Variants in NREP observed in about 807,000 individuals in gnomAD.
NREP encodes the protein neuronal regeneration-related protein.
In NREP, 5 loss-of-function variants were observed where a neutral mutation model predicts 8.6. The observed-to-expected ratio is 0.58, with a 90% CI of 0.30 to 1.22. The LOEUF is 1.22. Among genes scored for constraint, NREP ranks in the 50% most tolerant of loss-of-function variants. NREP has a pLI of 0.07. For missense variants in NREP, 86 were observed against 82.5 expected (o/e 1.04, Z -0.17); for synonymous variants, 27 against 28.0 (o/e 0.96, Z 0.11).
At chr5:111,777,580 G>A (rs780878947) in intron 2 of NREP, among the ~76,000 whole-genome samples, 4 of 152,034 alleles carry the variant, frequency 2.6e-5, no homozygotes, top group African/African-American at 4.8e-5. Context: ...CAATGCTTCA[G>A]TGTAGTTGCA....
intron 2 of NREP, among the ~76,000 whole-genome samples, chr5:111,905,701 A>T (rs1488616719): frequency 2.0e-5 from 3 of 152,270 alleles, no homozygotes; most frequent in East Asian, 3.9e-4. Context: ...AAGTGAAACA[A>T]AACACCAAAG....
At chr5:111,830,295 T>C (rs551650037) in intron 2 of NREP, among the ~76,000 whole-genome samples, 5 of 152,300 alleles carry the variant, frequency 3.3e-5, no homozygotes, top group Admixed American at 6.5e-5. Context: ...GTTTAAAAGA[T>C]CTTACAATGA....
intron 2 of NREP, among the ~76,000 whole-genome samples, chr5:111,821,723 C>G (rs911163082): frequency 1.3e-5 from 2 of 152,258 alleles, no homozygotes; most frequent in African/African-American, 4.8e-5. Context: ...CTTTCTTTCT[C>G]CCTTTCTCTC....
At chr5:111,899,136 A>G (rs543804260) in intron 2 of NREP, among the ~76,000 whole-genome samples, 133 of 152,328 alleles carry the variant, frequency 8.7e-4, no homozygotes, top group African/African-American at 3.1e-3. Flanking sequence ...TATCATAAAA[A>G]CACACAAAAG....
chr5:111,742,654 C>A (rs766145261), intron 2 of NREP, among the ~76,000 whole-genome samples: 10 of 152,058 alleles, frequency 6.6e-5, no homozygotes, highest in Non-Finnish European at 1.2e-4. Flanking sequence ...CGACTTAAAA[C>A]CATTCATTAC....
chr5:111,752,920 T>G (rs910880625), intron 2 of NREP, among the ~76,000 whole-genome samples: 6 of 152,180 alleles, frequency 3.9e-5, no homozygotes, highest in Admixed American at 3.9e-4. Context: ...TTCTTCTCAT[T>G]AACTTATCCA....
intron 2 of NREP, among the ~76,000 whole-genome samples, chr5:111,822,171 A>G (rs1490142240): frequency 1.4e-4 from 22 of 152,202 alleles, no homozygotes; most frequent in Admixed American, 1.4e-3. Flanking sequence ...GGAAATATGG[A>G]AATCAAGTCT....
At chr5:111,796,545 T>C (rs1465148343) in intron 2 of NREP, among the ~76,000 whole-genome samples, 1 of 152,210 alleles carries the variant, frequency 6.6e-6, no homozygotes, top group East Asian at 1.9e-4. Context: ...CTTACTCGTG[T>C]AATTCTTATT....
chr5:111,842,637 G>C (rs754429381), intron 2 of NREP, among the ~76,000 whole-genome samples: 1 of 151,974 alleles, frequency 6.6e-6, no homozygotes, highest in Non-Finnish European at 1.5e-5. Flanking sequence ...TACAATATTA[G>C]AGTGTTTTAA....
chr5:111,921,416 G>C (rs1755236318), intron 2 of NREP, among the ~76,000 whole-genome samples: 1 of 152,076 alleles, frequency 6.6e-6, no homozygotes, highest in African/African-American at 2.4e-5. Context: ...TCAGAGGCCT[G>C]ATCAGCTAAT....
At chr5:111,969,994 T>C (rs1756763468) in intron 2 of NREP, among the ~76,000 whole-genome samples, 3 of 152,236 alleles carry the variant, frequency 2.0e-5, no homozygotes, top group Admixed American at 2.0e-4. Flanking sequence ...ACTCATTTGG[T>C]ACAAAATCTA....
At chr5:111,865,659 G>T (rs1311016399) in intron 2 of NREP, among the ~76,000 whole-genome samples, 1 of 152,120 alleles carries the variant, frequency 6.6e-6, no homozygotes, top group East Asian at 1.9e-4. Context: ...TACTGATCTT[G>T]CAAAATCGTA....
chr5:111,873,438 T>C (rs1220402935), intron 2 of NREP, among the ~76,000 whole-genome samples: 2 of 152,188 alleles, frequency 1.3e-5, no homozygotes, highest in Non-Finnish European at 2.9e-5. Flanking sequence ...GGATACTCCA[T>C]TTTCTGCTCA....
At chr5:111,747,256 T>G (rs973697546) in intron 2 of NREP, among the ~76,000 whole-genome samples, 3 of 152,196 alleles carry the variant, frequency 2.0e-5, no homozygotes, top group African/African-American at 7.2e-5. Flanking sequence ...AAGCAGTATC[T>G]TCTCCTAATT....
At chr5:111,961,744 C>T (rs1210466665) in intron 2 of NREP, among the ~76,000 whole-genome samples, 1 of 152,182 alleles carries the variant, frequency 6.6e-6, no homozygotes, top group Non-Finnish European at 1.5e-5. Context: ...CTAATCTCTC[C>T]TGGTTTTATG....
At position 111,756,325 on chromosome 5, in the gene NREP, G is replaced by T. The variant is rs866835332; in HGVS notation, c.-58-495C>A. ...AAAAAAAAAAAAACCCTACACGGCG[G>T]GGGGGGTGGGGGGAGTCAGGAATAT... On this transcript the variant is annotated intron_variant, in intron 1 of 3. Coordinates refer to ENST00000257435, the MANE Select transcript of NREP (RefSeq NM_004772.4). 19 of 721,360 alleles carry T rather than the reference G, an allele frequency of 2.6e-5. 3 individuals carry two copies. The highest frequency in any genetic ancestry group is 1.0e-4 in the African/African-American group (5 of 48,804). 44.7% of individuals were successfully genotyped at this position (721,360 alleles called of 1,614,324 possible).
chr5:111,976,627 G>A (rs372389439), intron 1 of NREP: 72 of 1,155,202 alleles, frequency 6.2e-5, no homozygotes, highest in African/African-American at 5.1e-4. Context: ...GGTCAGTGAG[G>A]CAGAGACAAA....
At chr5:111,937,466 T>C (rs536028072) in intron 2 of NREP, among the ~76,000 whole-genome samples, 22 of 152,236 alleles carry the variant, frequency 1.4e-4, no homozygotes, top group African/African-American at 5.1e-4. Flanking sequence ...ACTAATTTTC[T>C]ATATACAGCT....
intron 2 of NREP, among the ~76,000 whole-genome samples, chr5:111,970,022 G>T (rs1354159857): frequency 2.0e-5 from 3 of 152,154 alleles, no homozygotes; most frequent in African/African-American, 7.2e-5. Flanking sequence ...AATTATAGGG[G>T]AAATTCTCTT....
Sources: gnomAD v4.1 joint callset for allele counts (sites outside exome capture counted in the v4.1 genomes callset) on GRCh38, gnomAD v4.1.1 for gene constraint, MANE v1.5 for transcripts, NCBI Gene and HGNC (gene_info 2026-07-23, HGNC 2026-07-21) for gene names.